The following MMGT1 variants were observed in gnomAD, a reference collection of about 807,000 sequenced individuals.
The protein encoded by MMGT1 is ER membrane protein complex subunit 5.
In MMGT1, 2 loss-of-function variants were observed where a neutral mutation model predicts 11.7. The ratio of observed to expected loss-of-function variants is 0.17; its 90% CI spans 0.07 to 0.54. The LOEUF is 0.54. Ranked by LOEUF, MMGT1 falls within the 20% of genes least tolerant of loss-of-function variation. The pLI is 0.94. For missense variants in MMGT1, 74 were observed against 109.0 expected (o/e 0.68, Z 1.43); for synonymous variants, 49 against 44.4 (o/e 1.10, Z -0.41).
chrX:135,968,053 T>C (rs1556612184), intron 2 of MMGT1, among the ~76,000 whole-genome samples: 1 of 111,821 alleles, frequency 8.9e-6, no homozygotes, highest in African/African-American at 3.3e-5. Context: ...GGTTTCTCCA[T>C]GTTGGTCAGG....
At chrX:135,965,368 A>G (rs2089179627) in intron 3 of MMGT1, among the ~76,000 whole-genome samples, 185 bp from the exon 4 acceptor site, 1 of 111,592 alleles carries the variant, frequency 9.0e-6, no homozygotes, top group Non-Finnish European at 1.9e-5. Context: ...GAAAATAAGA[A>G]ACCTGGAAAA....
At position 135,964,453 on chromosome X, in the gene MMGT1, G is replaced by A. The variant is rs959140393; in HGVS notation, c.*571C>T. The A allele has an allele frequency of 8.9e-6, 1 of 112,809 alleles. No individual in the cohort carries two copies. The highest frequency in any genetic ancestry group is 3.2e-5 in the African/African-American group (1 of 31,020). The allele number at this position is 112,809 out of a possible 1,213,427, so 9.3% of individuals were successfully genotyped here. A position where few individuals can be genotyped will look rare whatever the true frequency, so the allele number is the denominator to read the frequency against. ...TGATGAAACAAGACAGCTGATGGTA[G>A]AAGGTATATGGGAGCAGGGTAGGGT... is the stretch of plus-strand genomic sequence containing the variant. On this transcript the variant is annotated 3_prime_UTR_variant, in exon 4 of 4. Coordinates refer to ENST00000305963, the MANE Select transcript of MMGT1 (RefSeq NM_173470.3).
Position 135,973,513 on chromosome X carries a change from C to A in MMGT1, c.79+84G>T. On this transcript the variant is annotated intron_variant, in intron 1 of 3. Coordinates refer to ENST00000305963, the MANE Select transcript of MMGT1 (RefSeq NM_173470.3). ...CTCAAAGGACCATTAATCTGACACT[C>A]GGTCCGATGGTCCCTTAGAAGTGCG... 18 of 777,947 alleles carry A rather than the reference C, an allele frequency of 2.3e-5. 1 individual carries two copies. The South Asian group carries it at 3.9e-4, about 17-fold the overall frequency. 64.1% of individuals were successfully genotyped at this position (777,947 alleles called of 1,213,427 possible).
chrX:135,968,906 G>A (rs1364035271), intron 2 of MMGT1, among the ~76,000 whole-genome samples: 1 of 111,480 alleles, frequency 9.0e-6, no homozygotes, highest in African/African-American at 3.3e-5. Flanking sequence ...TTGGATATGT[G>A]GGTTGTTTCC....
chrX:135,971,677 G>A (rs1178857859), intron 1 of MMGT1, among the ~76,000 whole-genome samples: 5 of 111,965 alleles, frequency 4.5e-5, no homozygotes, highest in African/African-American at 1.6e-4. Flanking sequence ...GTATGGAAAT[G>A]GTTCTCCTGA....
chrX:135,967,453 T>C lies in MMGT1; in HGVS notation c.173A>G (p.Tyr58Cys), dbSNP rs199809391. Residue 58 changes from tyrosine to cysteine, a missense_variant, in exon 3 of 4, where the codon TAC (tyrosine) becomes TGC (cysteine). Around this residue, in one of 2 missense-constraint regions of MMGT1, gnomAD observed 40 missense variants for 79.6 expected, o/e 0.50. Transcript: ENST00000305963. ...QTLLAFAVTC[Y>C]GIVHIAGEFK... Reference sequence around the variant, plus strand: ...CTCTCCTGCAATATGAACTATACCGTAACAGGTAACTGCAAAGGCCAGAAG... The same window carrying C: ...CTCTCCTGCAATATGAACTATACCGCAACAGGTAACTGCAAAGGCCAGAAG... 8 of 1,196,109 alleles carry C rather than the reference T, an allele frequency of 6.7e-6. No individual in the cohort carries two copies. The South Asian group carries it at 1.5e-4, about 22-fold the overall frequency.
At position 135,973,791 on chromosome X, in the gene MMGT1, C is replaced by A. The variant is rs1556612901; in HGVS notation, c.-116G>T. 2 of 1,162,037 alleles carry A rather than the reference C, an allele frequency of 1.7e-6. No individual in the cohort carries two copies. The highest frequency in any genetic ancestry group is 1.9e-5 in the South Asian group (1 of 52,196). ...GATGACGTCACTGAAGTCCTGAGCG[C>A]AAAGTGTCTCAGTGGTGGAAAAGCC... On this transcript the variant is annotated 5_prime_UTR_variant, in exon 1 of 4. Transcript: ENST00000305963.
Position 135,961,391 on chromosome X carries a change from TAAAAA to T in MMGT1, c.*3628_*3632del, listed in dbSNP as rs1318253326. Among the ~76,000 whole-genome samples, 1 of 111,663 alleles carries T rather than the reference TAAAAA, an allele frequency of 9.0e-6. No homozygotes were observed. The highest frequency in any genetic ancestry group is 1.9e-5 in the Non-Finnish European group (1 of 53,070). ...AAAGTACAAATTTGCTGATAAAAAA[TAAAAA>T]ATTGTTTTCCTGTGAGTACAAGACA... On this transcript the variant is annotated 3_prime_UTR_variant, in exon 4 of 4. Transcript: ENST00000305963.
In MMGT1 at chrX:135,962,581, T is replaced by C. The variant is rs1204983747; in HGVS notation, c.*2443A>G. 2 of 112,179 alleles carry C rather than the reference T, an allele frequency of 1.8e-5. No homozygotes were observed. The highest frequency in any genetic ancestry group is 3.8e-5 in the Non-Finnish European group (2 of 53,253). The allele number at this position is 112,179 out of a possible 1,213,427, so 9.2% of individuals were successfully genotyped here. On this transcript the variant is annotated 3_prime_UTR_variant, in exon 4 of 4. Coordinates refer to ENST00000305963, the MANE Select transcript of MMGT1 (RefSeq NM_173470.3). ...AATCACCTTTAAGTCCTATGGTACA[T>C]ACTTGAAAAAGACAGCAGAAACTCA...
At chrX:135,972,839 T>A (rs2089227227) in intron 1 of MMGT1, among the ~76,000 whole-genome samples, 1 of 111,798 alleles carries the variant, frequency 8.9e-6, no homozygotes, top group African/African-American at 3.3e-5. Context: ...GCAGCAAGGA[T>A]CTAGGATACT....
At position 135,963,971 on chromosome X, in the gene MMGT1, A is replaced by C. The variant is rs1556611694; in HGVS notation, c.*1053T>G. 1 of 112,690 alleles carries C rather than the reference A, an allele frequency of 8.9e-6. No individual in the cohort carries two copies. Among genetic ancestry groups the C allele is most frequent in the Non-Finnish European group, 1.9e-5 (1 of 53,329 alleles). 9.3% of individuals were successfully genotyped at this position (112,690 alleles called of 1,213,427 possible). A position where few individuals can be genotyped will look rare whatever the true frequency, so the allele number is the denominator to read the frequency against. ...CCTCACTTTCAGCAACATACAGTGA[A>C]GATGGAAAACTTGAAGACTGCTATA... On this transcript the variant is annotated 3_prime_UTR_variant, in exon 4 of 4. Coordinates refer to ENST00000305963, the MANE Select transcript of MMGT1 (RefSeq NM_173470.3).
Position 135,971,048 on chromosome X carries a change from A to C in MMGT1, c.132+10T>G. On this transcript the variant is annotated intron_variant, in intron 2 of 3. Coordinates refer to ENST00000305963, the MANE Select transcript of MMGT1 (RefSeq NM_173470.3). The stretch of plus-strand genomic sequence containing the variant: ...ACATACATGTAACGGAATATAAATG[A>C]CCAACTTACATCTATTGGCAGTGAT... 2 of 1,128,619 alleles carry C rather than the reference A, an allele frequency of 1.8e-6. No homozygotes were observed. The highest frequency in any genetic ancestry group is 1.2e-6 in the Non-Finnish European group (1 of 823,259). The allele number at this position is 1,128,619 out of a possible 1,213,427, so 93.0% of individuals were successfully genotyped here.
rs1373651446 is a variant in MMGT1, at chrX:135,963,757, TAC to T, written c.*1265_*1266del. ...AGCACATTTCCTTTTCAAACCTGCA[TAC>T]AGTTATTCCCTTTTTACACCTATAC... On this transcript the variant is annotated 3_prime_UTR_variant, in exon 4 of 4. Coordinates refer to ENST00000305963, the MANE Select transcript of MMGT1 (RefSeq NM_173470.3). 8.9e-6 allele frequency: 1 copy of T among 112,525 alleles called. No homozygotes were observed. The highest frequency in any genetic ancestry group is 1.9e-5 in the Non-Finnish European group (1 of 53,287). The allele number at this position is 112,525 out of a possible 1,213,427, so 9.3% of individuals were successfully genotyped here.
At chrX:135,969,287 T>A (rs782434032) in intron 2 of MMGT1, among the ~76,000 whole-genome samples, 4 of 111,050 alleles carry the variant, frequency 3.6e-5, no homozygotes, top group Non-Finnish European at 5.7e-5. Flanking sequence ...AAATCTAACA[T>A]CATATACGAT....
In MMGT1 at chrX:135,962,392, G is replaced by A. The variant is rs2089160753; in HGVS notation, c.*2632C>T. 1 of 111,886 alleles carries A rather than the reference G, an allele frequency of 8.9e-6. No homozygotes were observed. Among genetic ancestry groups the A allele is most frequent in the Non-Finnish European group, 1.9e-5 (1 of 53,215 alleles). 9.2% of individuals were successfully genotyped at this position (111,886 alleles called of 1,213,427 possible). Reference sequence around the variant, plus strand: ...AGTGAGTCGTTCCGTATTTTAAAGAGCCTTGATTGGTACACACTTCTGAAT... The same window carrying A: ...AGTGAGTCGTTCCGTATTTTAAAGAACCTTGATTGGTACACACTTCTGAAT... On this transcript the variant is annotated 3_prime_UTR_variant, in exon 4 of 4. Transcript: ENST00000305963.
At position 135,965,098 on chromosome X, in the gene MMGT1, T is replaced by G. The variant is rs141413370; in HGVS notation, c.322A>C (p.Asn108His). 26 of 1,206,675 alleles carry G rather than the reference T, an allele frequency of 2.2e-5. No homozygotes were observed. Among genetic ancestry groups the G allele is most frequent in the Non-Finnish European group, 2.9e-5 (26 of 892,517 alleles). ...GACAATGCATCTTGGTTTGAAGAAT[T>G]TGCTGTATCCGAAGGCCGGAAAAGT... ...RVLFRPSDTANSSNQDALSSN... is the reference protein window; with the variant it reads ...RVLFRPSDTAHSSNQDALSSN... Residue 108 changes from asparagine to histidine, a missense_variant, in exon 4 of 4, where the codon AAT becomes CAT. By Grantham distance (68) the Asn-to-His change is moderately conservative. Coordinates refer to ENST00000305963, the MANE Select transcript of MMGT1 (RefSeq NM_173470.3).
chrX:135,963,474 A>G lies in MMGT1; in HGVS notation c.*1550T>C, dbSNP rs1261577006. On this transcript the variant is annotated 3_prime_UTR_variant, in exon 4 of 4. Coordinates refer to ENST00000305963, the MANE Select transcript of MMGT1 (RefSeq NM_173470.3). ...CATCATCACTTTAACCCGATTTCAC[A>G]TTTTTAATTCATTTCTAAATTATTT... 7 of 112,090 alleles carry G rather than the reference A, an allele frequency of 6.2e-5. No homozygotes were observed. Among genetic ancestry groups the G allele is most frequent in the Admixed American group, 5.7e-4 (6 of 10,559 alleles). The allele number at this position is 112,090 out of a possible 1,213,427, so 9.2% of individuals were successfully genotyped here. A position where few individuals can be genotyped will look rare whatever the true frequency, so the allele number is the denominator to read the frequency against.
rs2089155378 is a variant in MMGT1, at chrX:135,961,560, C to T, written c.*3464G>A. Among the ~76,000 whole-genome samples the T allele has an allele frequency of 9.0e-6, 1 of 111,207 alleles. No homozygotes were observed. Among genetic ancestry groups the T allele is most frequent in the African/African-American group, 3.3e-5 (1 of 30,593 alleles). ...GCCCCCACTCCCCTTTCTAAGAACA[C>T]TTAATTAACAGGTTATTTTGAGATA... On this transcript the variant is annotated 3_prime_UTR_variant, in exon 4 of 4. Coordinates refer to ENST00000305963, the MANE Select transcript of MMGT1 (RefSeq NM_173470.3).
intron 2 of MMGT1, among the ~76,000 whole-genome samples, chrX:135,970,090 C>T (rs1020190825): frequency 5.4e-5 from 6 of 112,000 alleles, no homozygotes; most frequent in African/African-American, 1.3e-4. Flanking sequence ...CCTGGTCGGG[C>T]GCTGTGGCTC....
Sources: allele counts gnomAD v4.1 joint callset (sites outside exome capture counted in the v4.1 genomes callset), GRCh38; gene constraint gnomAD v4.1.1; regional missense constraint gnomAD v4.1.1; transcripts MANE v1.5; gene names NCBI Gene and HGNC (gene_info 2026-07-23, HGNC 2026-07-21).